The following ST3GAL4 variants were observed in gnomAD, a reference collection of about 807,000 sequenced individuals.
ST3GAL4 encodes CMP-N-acetylneuraminate-beta-galactosamide-alpha-2,3-sialyltransferase 4.
ST3GAL4 carries 24 observed loss-of-function variants against 42.6 expected under a neutral mutation model. The observed-to-expected ratio is 0.56, with a 90% CI of 0.41 to 0.79. ST3GAL4 has a LOEUF of 0.79. Ranked by LOEUF, ST3GAL4 falls within the 30% of genes least tolerant of loss-of-function variation. The probability of loss-of-function intolerance (pLI) is 0.00; values close to 1 mark genes in which losing one functional copy is unlikely to be tolerated. For synonymous variants in ST3GAL4, 135 were observed against 163.2 expected (o/e 0.83, Z 1.32); for missense variants, 311 against 430.8 (o/e 0.72, Z 2.46).
intron 1 of ST3GAL4, among the ~76,000 whole-genome samples, chr11:126,387,926 G>C (rs1206320434): frequency 6.6e-6 from 1 of 152,208 alleles, no homozygotes; most frequent in African/African-American, 2.4e-5. Context: ...TGGATACTAT[G>C]TTTTGGAGAT....
Position 126,371,163 on chromosome 11 carries a change from CTTTTTT to C in ST3GAL4, c.-61+15335_-61+15340del, listed in dbSNP as rs551443393. ...ATCTATTCTATTCTTCCCCACATTCCTTTTTTTTTTTTTTTTTTTGAGATGGAGTCT... is the reference window on the plus strand; with the variant it reads ...ATCTATTCTATTCTTCCCCACATTCCTTTTTTTTTTTTTGAGATGGAGTCT... On this transcript the variant is annotated intron_variant, in intron 1 of 10. Transcript: ENST00000444328. Among the ~76,000 whole-genome samples, 23 of 59,970 alleles carry C rather than the reference CTTTTTT, an allele frequency of 3.8e-4. 2 individuals are homozygous for C. The highest frequency in any genetic ancestry group is 1.7e-3 in the South Asian group (2 of 1,150). 39.3% of individuals were successfully genotyped at this position (59,970 alleles called of 152,430 possible).
Position 126,414,169 on chromosome 11 carries a change from A to T in ST3GAL4, c.*122A>T. On this transcript the variant is annotated 3_prime_UTR_variant, in exon 11 of 11. Coordinates refer to ENST00000444328, the MANE Select transcript of ST3GAL4 (RefSeq NM_001254757.2). The stretch of plus-strand genomic sequence containing the variant: ...TGGACTCACCCCCTCTTGGGGAGGG[A>T]GTTCTGGGCCTGGCCAGGTCTGAGA... The T allele has an allele frequency of 2.1e-6, 2 of 943,410 alleles. No individual in the cohort carries two copies. Among genetic ancestry groups the T allele is most frequent in the Non-Finnish European group, 3.4e-6 (2 of 589,690 alleles). The allele number at this position is 943,410 out of a possible 1,614,324, so 58.4% of individuals were successfully genotyped here. A position where few individuals can be genotyped will look rare whatever the true frequency, so the allele number is the denominator to read the frequency against.
chr11:126,399,751 A>C (rs1342906634), intron 1 of ST3GAL4, among the ~76,000 whole-genome samples: 1 of 152,164 alleles, frequency 6.6e-6, no homozygotes, highest in African/African-American at 2.4e-5. Flanking sequence ...ATCACTCTTA[A>C]GTTCTGCCTG....
Position 126,393,738 on chromosome 11 carries a change from A to G in ST3GAL4, c.-60-12358A>G, listed in dbSNP as rs766079008. Among the ~76,000 whole-genome samples the G allele has an allele frequency of 6.6e-6, 1 of 152,204 alleles. No individual in the cohort carries two copies. The highest frequency in any genetic ancestry group is 1.5e-5 in the Non-Finnish European group (1 of 68,040). The stretch of plus-strand genomic sequence containing the variant: ...GGAATCCTGGAGATTTTCTAGCCCA[A>G]CAGTGTCCGGTCAAAATAGAATGGG... On this transcript the variant is annotated intron_variant, in intron 1 of 10. Transcript: ENST00000444328. This position sits in a 1 kb window ranked among gnomAD's most constrained non-coding sequence, Gnocchi z 5.9.
intron 1 of ST3GAL4, among the ~76,000 whole-genome samples, chr11:126,374,775 A>G (rs995808378): frequency 1.3e-5 from 2 of 152,092 alleles, no homozygotes; most frequent in African/African-American, 4.8e-5. Flanking sequence ...AGTTTTACAG[A>G]TGACCGGTCT....
rs1262701695 is a variant in ST3GAL4, at chr11:126,400,671, G to A, written c.-60-5425G>A. Among the ~76,000 whole-genome samples, 1 of 152,172 alleles carries A rather than the reference G, an allele frequency of 6.6e-6. No homozygotes were observed. On this transcript the variant is annotated intron_variant, in intron 1 of 10. Coordinates refer to ENST00000444328, the MANE Select transcript of ST3GAL4 (RefSeq NM_001254757.2). This position sits in a 1 kb window ranked among gnomAD's most constrained non-coding sequence, Gnocchi z 4.6. ...ATTTGATCCATATCATTTCTTAGAA[G>A]GATACCATGTTGGCAGTTTCGAAGA...
At position 126,400,013 on chromosome 11, in the gene ST3GAL4, T is replaced by G. The variant is rs1339353239; in HGVS notation, c.-60-6083T>G. 6.6e-6 allele frequency among the ~76,000 whole-genome samples: 1 copy of G among 152,072 alleles called. No individual in the cohort carries two copies. Among genetic ancestry groups the G allele is most frequent in the East Asian group, 1.9e-4 (1 of 5,186 alleles). On this transcript the variant is annotated intron_variant, in intron 1 of 10. Coordinates refer to ENST00000444328, the MANE Select transcript of ST3GAL4 (RefSeq NM_001254757.2). The surrounding 1 kb of genome is among the most constrained non-coding windows in gnomAD (Gnocchi z 4.6). ...CTGCCTCCCTCCCTCCCTTCCTTCTTTCCTCTCTGCTCTCTCTCTCTTTTC... is the reference window on the plus strand; with the variant it reads ...CTGCCTCCCTCCCTCCCTTCCTTCTGTCCTCTCTGCTCTCTCTCTCTTTTC...
Position 126,363,007 on chromosome 11 carries a change from G to T in ST3GAL4, c.-61+7165G>T, listed in dbSNP as rs976135228. On this transcript the variant is annotated intron_variant, in intron 1 of 10. Coordinates refer to ENST00000444328, the MANE Select transcript of ST3GAL4 (RefSeq NM_001254757.2). This position sits in a 1 kb window ranked among gnomAD's most constrained non-coding sequence, Gnocchi z 4.6. ...TCTGCCTCTCCAGCCCCTACCTTATGCCTGGCCCATTCAGCTGGTCTGTTC... is the reference window on the plus strand; with the variant it reads ...TCTGCCTCTCCAGCCCCTACCTTATTCCTGGCCCATTCAGCTGGTCTGTTC... Among the ~76,000 whole-genome samples the T allele has an allele frequency of 7.2e-5, 11 of 152,186 alleles. No homozygotes were observed. The highest frequency in any genetic ancestry group is 4.8e-5 in the African/African-American group (2 of 41,446).
chr11:126,369,269 C>A (rs1952550002), intron 1 of ST3GAL4, among the ~76,000 whole-genome samples: 1 of 151,554 alleles, frequency 6.6e-6, no homozygotes, highest in Non-Finnish European at 1.5e-5. Flanking sequence ...GGGGGGGAGG[C>A]AGAGTTTTAC....
intron 1 of ST3GAL4, among the ~76,000 whole-genome samples, chr11:126,377,556 C>G (rs1015909156): frequency 2.7e-5 from 4 of 147,820 alleles, no homozygotes; most frequent in African/African-American, 1.0e-4. Flanking sequence ...GTGATCTTGG[C>G]TCACTGCAGC....
chr11:126,375,869 CTTTT>C lies in ST3GAL4; in HGVS notation c.-61+20044_-61+20047del, dbSNP rs11443803. On this transcript the variant is annotated intron_variant, in intron 1 of 10. Transcript: ENST00000444328. ...TGCAGGATCCTGATTCCTTTTCTTCCTTTTTTTTTTTTTTTTTTTTGCCCCTGGC... is the reference window on the plus strand; with the variant it reads ...TGCAGGATCCTGATTCCTTTTCTTCCTTTTTTTTTTTTTTTTGCCCCTGGC... 8.8e-3 allele frequency among the ~76,000 whole-genome samples: 1,077 copies of C among 122,614 alleles called. 14 individuals are homozygous for C. The highest frequency in any genetic ancestry group is 0.03 in the African/African-American group (994 of 32,944). The allele number at this position is 122,614 out of a possible 152,430, so 80.4% of individuals were successfully genotyped here. A position where few individuals can be genotyped will look rare whatever the true frequency, so the allele number is the denominator to read the frequency against.
rs552962663 is a variant in ST3GAL4, at chr11:126,381,224, C to A, written c.-60-24872C>A. ...ATAGTGGAGACTGATCCCTGGCCAC[C>A]CATTCAGCTGCCTGAGGGCCCTGGG... On this transcript the variant is annotated intron_variant, in intron 1 of 10. Coordinates refer to ENST00000444328, the MANE Select transcript of ST3GAL4 (RefSeq NM_001254757.2). 1.3e-4 allele frequency among the ~76,000 whole-genome samples: 20 copies of A among 152,290 alleles called. No homozygotes were observed. The South Asian group carries it at 4.1e-3, about 32-fold the overall frequency.
intron 1 of ST3GAL4, among the ~76,000 whole-genome samples, chr11:126,404,859 G>T (rs1954157619): frequency 6.6e-6 from 1 of 152,202 alleles, no homozygotes; most frequent in Non-Finnish European, 1.5e-5. Flanking sequence ...CCGCTGGGGA[G>T]CAGGACACTG....
At chr11:126,381,126 C>T (rs1468612024) in intron 1 of ST3GAL4, among the ~76,000 whole-genome samples, 3 of 152,194 alleles carry the variant, frequency 2.0e-5, no homozygotes, top group African/African-American at 7.2e-5. Flanking sequence ...CCTCTGTTGG[C>T]TTTGAGACCC....
Position 126,384,650 on chromosome 11 carries a change from CCAGA to C in ST3GAL4, c.-60-21437_-60-21434del. ...GCACCAACTCCAGGATGTGCTACAC[CCAGA>C]CAGACAGATGGAGAGCCACCTCCCT... On this transcript the variant is annotated intron_variant, in intron 1 of 10. Coordinates refer to ENST00000444328, the MANE Select transcript of ST3GAL4 (RefSeq NM_001254757.2). The surrounding 1 kb of genome is among the most constrained non-coding windows in gnomAD (Gnocchi z 5.5). 1 of 983,690 alleles carries C rather than the reference CCAGA, an allele frequency of 1.0e-6. No homozygotes were observed. Among genetic ancestry groups the C allele is most frequent in the African/African-American group, 1.7e-5 (1 of 57,284 alleles). The allele number at this position is 983,690 out of a possible 1,614,324, so 60.9% of individuals were successfully genotyped here.
At chr11:126,403,175 A>G (rs1353211419) in intron 1 of ST3GAL4, 1 of 166,750 alleles carries the variant, frequency 6.0e-6, no homozygotes, top group Admixed American at 6.5e-5. Context: ...TGGCTCGTGA[A>G]ATTCCTGATT....
At position 126,396,158 on chromosome 11, in the gene ST3GAL4, C is replaced by T. The variant is rs1184896735; in HGVS notation, c.-60-9938C>T. Among the ~76,000 whole-genome samples the T allele has an allele frequency of 9.9e-5, 15 of 151,946 alleles. No homozygotes were observed. Among genetic ancestry groups the T allele is most frequent in the Admixed American group, 9.8e-4 (15 of 15,256 alleles). On this transcript the variant is annotated intron_variant, in intron 1 of 10. Transcript: ENST00000444328. The surrounding 1 kb of genome is among the most constrained non-coding windows in gnomAD (Gnocchi z 5.8). ...CTGTACCTGGCAGTTGTATTAATGA[C>T]GTCAAATGCACAGTCCAGCTTGAGT...
rs1442305817 is a variant in ST3GAL4 at position 126,409,024 on chromosome 11, C to G, written c.628-244C>G. Among the ~76,000 whole-genome samples the G allele has an allele frequency of 1.3e-5, 2 of 152,180 alleles. No individual in the cohort carries two copies. Among genetic ancestry groups the G allele is most frequent in the Non-Finnish European group, 2.9e-5 (2 of 68,034 alleles). ...TCTTGGAAGTGGTCCATGGTTTAGA[C>G]CCTCCACTCTATACACCTGGTCACC... On this transcript the variant is annotated intron_variant, in intron 8 of 10. Transcript: ENST00000444328. This position sits in a 1 kb window ranked among gnomAD's most constrained non-coding sequence, Gnocchi z 4.9.
chr11:126,369,257 G>T (rs75384243), intron 1 of ST3GAL4, among the ~76,000 whole-genome samples: 26,942 of 137,330 alleles, frequency 0.2, 3,444 homozygotes, highest in African/African-American at 0.39. Context: ...TCTTTTTTTT[G>T]GGGGGGGGAG....
Sources: allele counts gnomAD v4.1 joint callset (sites outside exome capture counted in the v4.1 genomes callset), GRCh38; gene constraint gnomAD v4.1.1; non-coding constraint Gnocchi (gnomAD v3.1); transcripts MANE v1.5; gene names NCBI Gene and HGNC (gene_info 2026-07-23, HGNC 2026-07-21).